Variants in TNIK observed in about 807,000 individuals in gnomAD.
TNIK encodes TRAF2 and NCK interacting kinase.
Under a neutral mutation model 191.3 loss-of-function variants are expected in TNIK, and 49 were observed. The observed-to-expected ratio is 0.26, with a 90% CI of 0.20 to 0.32. TNIK has a LOEUF of 0.32. Ranked by LOEUF, TNIK falls within the 10% of genes least tolerant of loss-of-function variation. TNIK has a pLI of 1.00. For synonymous variants in TNIK, 594 were observed against 600.9 expected (o/e 0.99, Z 0.17); for missense variants, 1,155 against 1,702.3 (o/e 0.68, Z 5.66).
intron 2 of TNIK, among the ~76,000 whole-genome samples, chr3:171,337,170 C>G (rs149027603): frequency 0.017 from 2,661 of 152,340 alleles, 39 homozygotes; most frequent in Non-Finnish European, 0.024. Flanking sequence ...ATTATCACAG[C>G]TCAAAGGCAA....
intron 2 of TNIK, among the ~76,000 whole-genome samples, chr3:171,359,549 G>A (rs892117810): frequency 3.3e-5 from 5 of 152,236 alleles, no homozygotes; most frequent in East Asian, 1.9e-4. Context: ...ACCAAGATCC[G>A]AAGCAATATC....
intron 2 of TNIK, among the ~76,000 whole-genome samples, chr3:171,360,593 C>G (rs1714825971): frequency 6.6e-6 from 1 of 152,210 alleles, no homozygotes; most frequent in African/African-American, 2.4e-5. Context: ...GGCCAAGACT[C>G]AAGGCCAGAA....
At chr3:171,419,300 G>A (rs576016920) in intron 1 of TNIK, among the ~76,000 whole-genome samples, 125 of 152,266 alleles carry the variant, frequency 8.2e-4, no homozygotes, top group Middle Eastern at 6.8e-3. Context: ...GTCCATAATG[G>A]GAAAATCCGT....
intron 2 of TNIK, among the ~76,000 whole-genome samples, chr3:171,261,498 G>T (rs370902960): frequency 6.6e-6 from 1 of 152,132 alleles, no homozygotes; most frequent in Non-Finnish European, 1.5e-5. Context: ...ATAATTCCTG[G>T]TAAGTAATCA....
At chr3:171,122,043 T>A (rs1391843775) in intron 18 of TNIK, among the ~76,000 whole-genome samples, 1 of 152,236 alleles carries the variant, frequency 6.6e-6, no homozygotes, top group African/African-American at 2.4e-5. Context: ...GAGAAAAGGC[T>A]CATTATTTTG....
At chr3:171,231,317 G>GT (rs569192908) in intron 2 of TNIK, among the ~76,000 whole-genome samples, 9,874 of 139,788 alleles carry the variant, frequency 0.071, 901 homozygotes, top group African/African-American at 0.23. Flanking sequence ...TTGTTGTTTT[G>GT]TTTTTTTTTT....
chr3:171,087,456 A>C lies in TNIK; in HGVS notation c.2772T>G (p.Ala924=). The C allele has an allele frequency of 6.2e-7, 1 of 1,613,948 alleles. No homozygotes were observed. The change falls in exon 24 of 33, where the codon GCT becomes GCG. Residue 924 remains alanine (A), a synonymous_variant. Coordinates refer to ENST00000436636, the MANE Select transcript of TNIK (RefSeq NM_015028.4). The stretch of plus-strand genomic sequence containing the variant: ...CCAGGTCAGGGAGGTTGATGTGGCC[A>C]GCAAAGCCATTGCTGTCACTGTGGC... ...RSGHSDSNGF[A]GHINLPDLVQ...
chr3:171,187,324 T>C (rs1293436161), intron 7 of TNIK, among the ~76,000 whole-genome samples: 2 of 152,178 alleles, frequency 1.3e-5, no homozygotes, highest in African/African-American at 2.4e-5. Flanking sequence ...GAGATTAATT[T>C]TTAACTTGGC....
chr3:171,255,939 G>A (rs1209104745), intron 2 of TNIK, among the ~76,000 whole-genome samples: 3 of 152,148 alleles, frequency 2.0e-5, no homozygotes, highest in African/African-American at 7.2e-5. Context: ...GGTGATGGGG[G>A]AAGGGGTCTA....
At chr3:171,272,521 G>A (rs1007951500) in intron 2 of TNIK, among the ~76,000 whole-genome samples, 1 of 152,094 alleles carries the variant, frequency 6.6e-6, no homozygotes, top group Admixed American at 6.5e-5. Flanking sequence ...AATCCTATAT[G>A]TTTTTCTCAT....
intron 1 of TNIK, among the ~76,000 whole-genome samples, chr3:171,375,329 A>G (rs1484261240): frequency 2.0e-5 from 3 of 152,224 alleles, no homozygotes; most frequent in African/African-American, 7.2e-5. Context: ...TAGATTTTCA[A>G]CTAAAAAAGC....
intron 3 of TNIK, among the ~76,000 whole-genome samples, chr3:171,222,027 G>A (rs1235621432): frequency 6.6e-6 from 1 of 152,010 alleles, no homozygotes; most frequent in African/African-American, 2.4e-5. Flanking sequence ...TATGTGTCAG[G>A]TACAAGATAT....
At chr3:171,106,289 G>T (rs539340243) in intron 21 of TNIK, among the ~76,000 whole-genome samples, 79 of 152,270 alleles carry the variant, frequency 5.2e-4, no homozygotes, top group Middle Eastern at 3.4e-3. Context: ...GTGGGATGGG[G>T]AGGTGTTTTT....
intron 2 of TNIK, among the ~76,000 whole-genome samples, chr3:171,337,232 T>C (rs970983628): frequency 2.0e-5 from 3 of 152,108 alleles, no homozygotes; most frequent in African/African-American, 7.2e-5. Context: ...GAAGTTCCTA[T>C]GAAGAAAAAC....
At chr3:171,409,125 T>C (rs532634717) in intron 1 of TNIK, among the ~76,000 whole-genome samples, 71 of 152,308 alleles carry the variant, frequency 4.7e-4, no homozygotes, top group African/African-American at 1.7e-3. Flanking sequence ...GCTCATACTC[T>C]TGGGTAAAAT....
At chr3:171,344,198 A>G (rs947566609) in intron 2 of TNIK, among the ~76,000 whole-genome samples, 4 of 152,176 alleles carry the variant, frequency 2.6e-5, no homozygotes, top group Non-Finnish European at 5.9e-5. Flanking sequence ...TATTCATTTT[A>G]CGTTCACATT....
chr3:171,120,394 C>T (rs1727511194), intron 18 of TNIK, among the ~76,000 whole-genome samples: 1 of 145,924 alleles, frequency 6.9e-6, no homozygotes, highest in Non-Finnish European at 1.5e-5. Context: ...GATCTCGGCT[C>T]ACTGCAAGCT....
chr3:171,280,844 T>C (rs962962654), intron 2 of TNIK, among the ~76,000 whole-genome samples: 10 of 152,164 alleles, frequency 6.6e-5, no homozygotes, highest in African/African-American at 2.4e-4. Context: ...ACTGATAAAG[T>C]AAAAATAGAT....
chr3:171,111,563 G>C (rs1324836213), intron 18 of TNIK, among the ~76,000 whole-genome samples: 2 of 152,174 alleles, frequency 1.3e-5, no homozygotes, highest in Non-Finnish European at 2.9e-5. Flanking sequence ...CTGTTGGTGA[G>C]AATGTAAAAT....
Sources: gnomAD v4.1 joint callset for allele counts (sites outside exome capture counted in the v4.1 genomes callset) on GRCh38, gnomAD v4.1.1 for gene constraint, MANE v1.5 for transcripts, NCBI Gene and HGNC (gene_info 2026-07-23, HGNC 2026-07-21) for gene names.